Variants in CDKL4 observed in about 807,000 individuals in gnomAD.
CDKL4 encodes the protein cyclin dependent kinase like 4, also known as cyclin-dependent kinase-like 4.
Under a neutral mutation model 42.0 loss-of-function variants are expected in CDKL4, and 44 were observed. That is an observed-to-expected ratio of 1.05 (90% CI 0.82 to 1.35). The LOEUF is 1.35. Ranked by LOEUF, CDKL4 falls within the 40% of genes most tolerant of loss-of-function variation. The pLI is 0.00. For synonymous variants in CDKL4, 120 were observed against 121.6 expected (o/e 0.99, Z 0.09); for missense variants, 393 against 369.9 (o/e 1.06, Z -0.51).
intron 1 of CDKL4, among the ~76,000 whole-genome samples, chr2:39,232,976 C>T (rs538669349): frequency 2.3e-5 from 3 of 127,826 alleles, no homozygotes; most frequent in South Asian, 2.7e-4. Flanking sequence ...ACCCAGGAGG[C>T]GGAGGTTGCA....
At chr2:39,173,939 C>T (rs145018746), downstream of CDKL4, among the ~76,000 whole-genome samples, 9 of 151,972 alleles carry the variant, frequency 5.9e-5, no homozygotes, top group East Asian at 3.9e-4. Flanking sequence ...GCCACGATTG[C>T]GCCACTCCAG....
At chr2:39,210,721 T>G (rs1012222377) in intron 4 of CDKL4, among the ~76,000 whole-genome samples, 2 of 152,180 alleles carry the variant, frequency 1.3e-5, no homozygotes, top group Non-Finnish European at 2.9e-5. Context: ...ATAAAACTCC[T>G]GCAGCAACTT....
chr2:39,238,370 C>T (rs965761682), intron 1 of CDKL4, among the ~76,000 whole-genome samples: 1 of 152,118 alleles, frequency 6.6e-6, no homozygotes, highest in Non-Finnish European at 1.5e-5. Context: ...GAGTTTGAGG[C>T]TACATTGAGT....
At chr2:39,224,424 A>G (rs1289846294) in intron 3 of CDKL4, among the ~76,000 whole-genome samples, 1 of 144,422 alleles carries the variant, frequency 6.9e-6, no homozygotes, top group Non-Finnish European at 1.5e-5. Flanking sequence ...CTTCATGCAG[A>G]GTCAGAACAA....
At chr2:39,170,296 G>GAAAGAAAAGAAAAGA in the CDKL4 span, among the ~76,000 whole-genome samples, 25 of 135,392 alleles carry the variant, frequency 1.8e-4, no homozygotes, top group African/African-American at 7.0e-4. Context: ...AAAAAAAAAA[G>GAAAGAAAAGAAAAGA]AAAGAAAAGA....
intron 7 of CDKL4, 89 bp downstream of exon 7, chr2:39,187,537 AT>A: frequency 2.3e-6 from 2 of 880,518 alleles, no homozygotes; most frequent in Non-Finnish European, 3.5e-6. Flanking sequence ...AGAGTGAGAC[AT>A]CATCTCAAAA....
At chr2:39,224,436 T>C (rs1237456138) in intron 3 of CDKL4, among the ~76,000 whole-genome samples, 1 of 152,010 alleles carries the variant, frequency 6.6e-6, no homozygotes, top group Non-Finnish European at 1.5e-5. Flanking sequence ...TCAGAACAAC[T>C]CTTTATCTTT....
At chr2:39,168,920 C>A in the CDKL4 span, among the ~76,000 whole-genome samples, 4 of 151,848 alleles carry the variant, frequency 2.6e-5, no homozygotes, top group African/African-American at 9.7e-5. Context: ...CCACGCCCAG[C>A]TAATTTTTGT....
chr2:39,204,945 G>A (rs543190277), intron 4 of CDKL4, among the ~76,000 whole-genome samples: 60 of 151,820 alleles, frequency 4.0e-4, no homozygotes, highest in Non-Finnish European at 7.5e-4. Context: ...TTGTGAGGCC[G>A]AGGCGGGAGG....
intron 5 of CDKL4, among the ~76,000 whole-genome samples, chr2:39,200,615 A>G (rs906009071): frequency 2.6e-5 from 4 of 152,210 alleles, no homozygotes; most frequent in African/African-American, 9.6e-5. Flanking sequence ...TCATCAAAGC[A>G]GTATGGTATT....
intron 1 of CDKL4, among the ~76,000 whole-genome samples, chr2:39,241,018 C>T (rs190749895): frequency 5.3e-4 from 80 of 152,284 alleles, no homozygotes; most frequent in Admixed American, 3.7e-3. Context: ...CAAAATGCGA[C>T]GTGTGATCCT....
intron 1 of CDKL4, among the ~76,000 whole-genome samples, chr2:39,240,779 C>T (rs1256456595): frequency 2.0e-5 from 3 of 150,794 alleles, no homozygotes; most frequent in Admixed American, 6.6e-5. Flanking sequence ...AATTCCATTA[C>T]AGGAAATTTC....
At chr2:39,232,910 T>C (rs1346888032) in intron 1 of CDKL4, among the ~76,000 whole-genome samples, 1 of 151,444 alleles carries the variant, frequency 6.6e-6, no homozygotes, top group Non-Finnish European at 1.5e-5. Context: ...CCAGGCATGG[T>C]GGCACGCGCC....
chr2:39,177,448 A>AG (rs1675212252), intron 9 of CDKL4, among the ~76,000 whole-genome samples: 1 of 140,768 alleles, frequency 7.1e-6, no homozygotes, highest in South Asian at 2.3e-4. Context: ...CTTGTCGCCC[A>AG]GGCTGGAGTG....
At chr2:39,209,197 A>T (rs1395607195) in intron 4 of CDKL4, among the ~76,000 whole-genome samples, 1 of 151,820 alleles carries the variant, frequency 6.6e-6, no homozygotes, top group Admixed American at 6.6e-5. Flanking sequence ...CCATAGTCCC[A>T]GTTCCTTGGG....
chr2:39,190,295 CA>C lies in CDKL4; in HGVS notation c.652+9del. ...TCAGCAACTCTGTTGCCATAAAATG[CA>C]ATTCATACCTAGTGTTCTGATTATC... On this transcript the variant is annotated intron_variant, in intron 6 of 9. Transcript: ENST00000451199. The C allele has an allele frequency of 3.1e-6, 5 of 1,608,098 alleles. No individual in the cohort carries two copies. Among genetic ancestry groups the C allele is most frequent in the Non-Finnish European group, 4.3e-6 (5 of 1,174,930 alleles).
At chr2:39,224,648 C>T (rs1030996134) in intron 3 of CDKL4, among the ~76,000 whole-genome samples, 3 of 151,836 alleles carry the variant, frequency 2.0e-5, no homozygotes, top group Admixed American at 6.6e-5. Flanking sequence ...GGACTACAGG[C>T]ACCCACAACC....
intron 3 of CDKL4, among the ~76,000 whole-genome samples, chr2:39,218,951 C>T (rs187918900): frequency 4.3e-4 from 65 of 152,246 alleles, no homozygotes; most frequent in African/African-American, 1.5e-3. Flanking sequence ...TCTGAAGAAC[C>T]TTGACTAATA....
chr2:39,222,589 CTAAA>C (rs565971477), intron 3 of CDKL4, among the ~76,000 whole-genome samples: 16 of 151,288 alleles, frequency 1.1e-4, no homozygotes, highest in East Asian at 3.9e-4. Flanking sequence ...GACTCTGTCT[CTAAA>C]TAAATAAATA....
Sources: allele counts gnomAD v4.1 joint callset (sites outside exome capture counted in the v4.1 genomes callset), GRCh38; gene constraint gnomAD v4.1.1; transcripts MANE v1.5; gene names NCBI Gene and HGNC (gene_info 2026-07-23, HGNC 2026-07-21).